The following CHN2 variants were observed in gnomAD, a reference collection of about 807,000 sequenced individuals.
The protein encoded by CHN2 is beta-chimaerin.
A neutral mutation model predicts 56.3 loss-of-function variants in CHN2; 35 were observed. That is an observed-to-expected ratio of 0.62 (90% CI 0.47 to 0.82). The LOEUF (loss-of-function observed/expected upper bound fraction) is 0.82, where lower values mean the gene tolerates loss of function less well. Ranked by LOEUF, CHN2 falls within the 40% of genes least tolerant of loss-of-function variation. The probability of loss-of-function intolerance (pLI) is 0.00; values close to 1 mark genes in which losing one functional copy is unlikely to be tolerated. For missense variants in CHN2, 491 were observed against 580.5 expected (o/e 0.85, Z 1.58); for synonymous variants, 210 against 212.8 (o/e 0.99, Z 0.12).
chr7:29,186,897 G>C (rs17157613), intron 2 of CHN2, among the ~76,000 whole-genome samples: 5,137 of 152,136 alleles, frequency 0.034, 311 homozygotes, highest in East Asian at 0.19. Context: ...AAAGAGCAGG[G>C]ATGATAATAT....
At chr7:29,374,739 G>A (rs1799893202) in intron 3 of CHN2, among the ~76,000 whole-genome samples, 1 of 152,036 alleles carries the variant, frequency 6.6e-6, no homozygotes. Flanking sequence ...AACAGTGATT[G>A]ATAATAGGCA....
intron 1 of CHN2, among the ~76,000 whole-genome samples, chr7:29,275,964 A>G (rs1791168920): frequency 6.6e-6 from 1 of 152,048 alleles, no homozygotes; most frequent in African/African-American, 2.4e-5. Flanking sequence ...TATGGTCGCT[A>G]TTTGGGTGAT....
At chr7:29,325,055 C>T (rs1795697960) in intron 1 of CHN2, among the ~76,000 whole-genome samples, 2 of 152,154 alleles carry the variant, frequency 1.3e-5, no homozygotes, top group Non-Finnish European at 2.9e-5. Context: ...TGGGTTGGCT[C>T]CTAGGGCACC....
At chr7:29,483,713 G>A (rs1585564560) in intron 7 of CHN2, 1 of 479,858 alleles carries the variant, frequency 2.1e-6, no homozygotes, top group African/African-American at 2.1e-5. Flanking sequence ...CTTTTGAATG[G>A]TCCACCCTAA....
chr7:29,235,400 A>G (rs1410463235), intron 1 of CHN2, among the ~76,000 whole-genome samples: 1 of 152,234 alleles, frequency 6.6e-6, no homozygotes, highest in African/African-American at 2.4e-5. Context: ...CTTGTGAGGT[A>G]TGAAGAAAAG....
chr7:29,272,489 T>C (rs1165384708), intron 1 of CHN2, among the ~76,000 whole-genome samples: 1 of 152,138 alleles, frequency 6.6e-6, no homozygotes, highest in Non-Finnish European at 1.5e-5. Context: ...ATGAGGCTAC[T>C]AAAGAAAGAA....
chr7:29,212,921 A>G (rs1303402302), intron 1 of CHN2: 4 of 1,610,496 alleles, frequency 2.5e-6, no homozygotes, highest in Admixed American at 1.7e-5. Flanking sequence ...TCCTGGAGCA[A>G]CCAGACCCAG....
intron 1 of CHN2, among the ~76,000 whole-genome samples, chr7:29,341,395 T>C (rs1056259985): frequency 6.6e-6 from 1 of 152,224 alleles, no homozygotes; most frequent in African/African-American, 2.4e-5. Flanking sequence ...CCAATTGTTA[T>C]GGATGGTGCC....
chr7:29,278,451 C>CAA (rs11372938), intron 1 of CHN2, among the ~76,000 whole-genome samples: 39 of 143,006 alleles, frequency 2.7e-4, no homozygotes, highest in East Asian at 6.1e-4. Context: ...ACTTTATTTA[C>CAA]AAAAAAAAAA....
At chr7:29,508,099 A>G in intron 11 of CHN2, among the ~76,000 whole-genome samples, 1 of 152,224 alleles carries the variant, frequency 6.6e-6, no homozygotes. Flanking sequence ...CATGTACCCC[A>G]TGTGGCAAAT....
chr7:29,367,358 G>A (rs893303130), intron 2 of CHN2, among the ~76,000 whole-genome samples: 2 of 152,162 alleles, frequency 1.3e-5, no homozygotes, highest in Non-Finnish European at 2.9e-5. Context: ...TGGATGGGAA[G>A]TCATCAAATG....
At chr7:29,483,342 T>C (rs909093560) in intron 7 of CHN2, among the ~76,000 whole-genome samples, 4 of 152,220 alleles carry the variant, frequency 2.6e-5, no homozygotes, top group African/African-American at 9.6e-5. Flanking sequence ...AAGCTCACAG[T>C]CACTGCCTTT....
At chr7:29,317,401 G>C (rs559893956) in intron 1 of CHN2, among the ~76,000 whole-genome samples, 12 of 152,290 alleles carry the variant, frequency 7.9e-5, no homozygotes, top group Admixed American at 5.2e-4. Context: ...GGGACCGAAG[G>C]ATATTTCCCA....
At chr7:29,455,212 A>G (rs1784664006) in intron 6 of CHN2, among the ~76,000 whole-genome samples, 1 of 152,196 alleles carries the variant, frequency 6.6e-6, no homozygotes, top group Non-Finnish European at 1.5e-5. Context: ...TGGGTTGACA[A>G]TATAATAAGC....
chr7:29,261,608 A>G (rs895123720), intron 1 of CHN2, among the ~76,000 whole-genome samples: 1 of 152,244 alleles, frequency 6.6e-6, no homozygotes, highest in African/African-American at 2.4e-5. Flanking sequence ...TTATACTGGA[A>G]TCCTTACAAA....
At chr7:29,212,429 T>C in intron 1 of CHN2, 1 of 1,602,922 alleles carries the variant, frequency 6.2e-7, no homozygotes, top group East Asian at 2.2e-5. Context: ...TGTCTTCTGC[T>C]GAGATGCCTC....
chr7:29,394,113 C>T (rs1000363660), intron 4 of CHN2, among the ~76,000 whole-genome samples: 4 of 152,022 alleles, frequency 2.6e-5, no homozygotes, highest in Admixed American at 6.6e-5. Context: ...TACCTCGGTG[C>T]GGTGGTCAGG....
At chr7:29,306,338 A>G (rs1201470347) in intron 1 of CHN2, among the ~76,000 whole-genome samples, 1 of 152,198 alleles carries the variant, frequency 6.6e-6, no homozygotes, top group Admixed American at 6.5e-5. Flanking sequence ...AATTATTGGT[A>G]TCTCTGAAAA....
intron 7 of CHN2, among the ~76,000 whole-genome samples, chr7:29,488,092 G>C (rs780869505): frequency 6.6e-6 from 1 of 152,212 alleles, no homozygotes; most frequent in South Asian, 2.1e-4. Flanking sequence ...CTAATGAGAA[G>C]TCCAGGGATC....
Sources: allele counts gnomAD v4.1 joint callset (sites outside exome capture counted in the v4.1 genomes callset), GRCh38; gene constraint gnomAD v4.1.1; transcripts MANE v1.5; gene names NCBI Gene and HGNC (gene_info 2026-07-23, HGNC 2026-07-21).